Variants in CTNNA2 observed in about 807,000 individuals in gnomAD.
CTNNA2 encodes the protein catenin alpha-2.
Under a neutral mutation model 101.0 loss-of-function variants are expected in CTNNA2, and 42 were observed. The ratio of observed to expected loss-of-function variants is 0.42; its 90% CI spans 0.32 to 0.54. The LOEUF (loss-of-function observed/expected upper bound fraction) is 0.54. CTNNA2 is among the 20% of genes least tolerant of loss of function. The pLI is 0.14. For missense variants in CTNNA2, 871 were observed against 1,223.1 expected (o/e 0.71, Z 4.29); for synonymous variants, 450 against 456.4 (o/e 0.99, Z 0.18).
chr2:79,376,415 A>ATGTTGAGTAT (rs1677975391), intron 4 of CTNNA2, among the ~76,000 whole-genome samples: 1 of 148,928 alleles, frequency 6.7e-6, no homozygotes, highest in South Asian at 2.1e-4. Flanking sequence ...GAATTTATCT[A>ATGTTGAGTAT]TGTTGAGTAT....
intron 7 of CTNNA2, among the ~76,000 whole-genome samples, chr2:80,291,236 T>C (rs1207433439): frequency 2.0e-5 from 3 of 152,256 alleles, no homozygotes; most frequent in Non-Finnish European, 4.4e-5. Context: ...TGATAAGCGA[T>C]AGCAAAGGAG....
chr2:79,268,637 T>G (rs1675019709), intron 2 of CTNNA2, among the ~76,000 whole-genome samples: 1 of 152,076 alleles, frequency 6.6e-6, no homozygotes, highest in South Asian at 2.1e-4. Context: ...AACAGAGGCC[T>G]CAACCTGTGG....
intron 7 of CTNNA2, among the ~76,000 whole-genome samples, chr2:80,187,634 C>A (rs1706216481): frequency 6.6e-6 from 1 of 152,006 alleles, no homozygotes; most frequent in Non-Finnish European, 1.5e-5. Context: ...CTTTACAAGG[C>A]AAAGGGCAGA....
rs532892383 is a variant in CTNNA2, at chr2:80,371,716, C to A, written c.1057-21495C>A. On this transcript the variant is annotated intron_variant, in intron 7 of 18. Coordinates refer to ENST00000402739, the MANE Select transcript of CTNNA2 (RefSeq NM_001282597.3). ...GCAGTGAGAATGCCACGTGAAAGAG[C>A]CTAGAGGCATGAAAGCACAGTCTAT... Among the ~76,000 whole-genome samples, 12 of 152,108 alleles carry A rather than the reference C, an allele frequency of 7.9e-5. No individual in the cohort carries two copies. In the East Asian group the frequency reaches 1.9e-3, roughly 25 times the overall value.
At chr2:79,609,100 CAT>C (rs1276584531) in intron 1 of CTNNA2, among the ~76,000 whole-genome samples, 1 of 151,984 alleles carries the variant, frequency 6.6e-6, no homozygotes, top group Middle Eastern at 3.4e-3. Flanking sequence ...AGCATCAAAA[CAT>C]ATGAGTTACT....
chr2:80,004,647 G>A (rs907960954), intron 7 of CTNNA2, among the ~76,000 whole-genome samples: 3 of 151,636 alleles, frequency 2.0e-5, no homozygotes, highest in African/African-American at 7.3e-5. Flanking sequence ...AGGAGCAGAG[G>A]CAGCATTTAT....
chr2:79,387,911 T>C (rs6735872), intron 4 of CTNNA2, among the ~76,000 whole-genome samples: 12,021 of 152,130 alleles, frequency 0.079, 1,567 homozygotes, highest in African/African-American at 0.28. Flanking sequence ...GGAGTGAGAA[T>C]ATAAGGAACT....
At chr2:79,528,316 A>G (rs1672542128) in intron 1 of CTNNA2, among the ~76,000 whole-genome samples, 1 of 151,934 alleles carries the variant, frequency 6.6e-6, no homozygotes, top group African/African-American at 2.4e-5. Context: ...GACACACACG[A>G]TCCTCTCCCT....
chr2:79,889,334 A>T (rs1286475816), intron 6 of CTNNA2, among the ~76,000 whole-genome samples: 1 of 152,218 alleles, frequency 6.6e-6, no homozygotes, highest in Non-Finnish European at 1.5e-5. Flanking sequence ...TTATTTCCCC[A>T]AATGTTCTCT....
At chr2:80,150,790 A>G (rs986104101) in intron 7 of CTNNA2, among the ~76,000 whole-genome samples, 11 of 152,338 alleles carry the variant, frequency 7.2e-5, no homozygotes, top group South Asian at 4.1e-4. Flanking sequence ...GGTTTCTGAA[A>G]ATGGATATTT....
At chr2:80,155,007 T>C (rs1030569897) in intron 7 of CTNNA2, among the ~76,000 whole-genome samples, 2 of 152,316 alleles carry the variant, frequency 1.3e-5, no homozygotes, top group African/African-American at 4.8e-5. Flanking sequence ...ATGACCACAT[T>C]TTCCAAAACA....
intron 4 of CTNNA2, among the ~76,000 whole-genome samples, chr2:79,478,513 T>C (rs1290872036): frequency 6.6e-6 from 1 of 152,146 alleles, no homozygotes; most frequent in Non-Finnish European, 1.5e-5. Context: ...CCAATTAAGC[T>C]ATGATGGGAA....
At chr2:79,659,716 G>T (rs1387413377) in intron 2 of CTNNA2, among the ~76,000 whole-genome samples, 2 of 152,182 alleles carry the variant, frequency 1.3e-5, no homozygotes, top group African/African-American at 4.8e-5. Context: ...AAGTTTTGGG[G>T]CCAGGAGCAG....
chr2:79,322,965 C>G (rs1200755138), intron 3 of CTNNA2, among the ~76,000 whole-genome samples: 1 of 152,146 alleles, frequency 6.6e-6, no homozygotes, highest in Admixed American at 6.5e-5. Context: ...TGGTTATTTC[C>G]CTGAAAGTAT....
intron 7 of CTNNA2, among the ~76,000 whole-genome samples, chr2:80,133,508 CA>C (rs2148897943): frequency 6.6e-6 from 1 of 152,052 alleles, no homozygotes; most frequent in Admixed American, 6.5e-5. Flanking sequence ...AAAATAAGCC[CA>C]AATGTATATA....
At chr2:80,600,380 AATTTAT>A (rs1201886822) in intron 15 of CTNNA2, among the ~76,000 whole-genome samples, 1 of 151,978 alleles carries the variant, frequency 6.6e-6, no homozygotes, top group Admixed American at 6.5e-5. Context: ...ATAAAATTAA[AATTTAT>A]ATTTTAAAAA....
At chr2:79,633,242 T>C (rs114292092) in intron 1 of CTNNA2, among the ~76,000 whole-genome samples, 314 of 152,312 alleles carry the variant, frequency 2.1e-3, no homozygotes, top group Middle Eastern at 6.8e-3. Flanking sequence ...TACTCTGTTA[T>C]TCTCAGTTGT....
chr2:79,948,723 C>G (rs1477415012), intron 7 of CTNNA2, among the ~76,000 whole-genome samples: 1 of 152,178 alleles, frequency 6.6e-6, no homozygotes, highest in South Asian at 2.1e-4. Context: ...AATCTCAGCA[C>G]TTTGGGAGGC....
At chr2:79,387,494 T>C (rs1678118239) in intron 4 of CTNNA2, among the ~76,000 whole-genome samples, 1 of 152,166 alleles carries the variant, frequency 6.6e-6, no homozygotes, top group South Asian at 2.1e-4. Context: ...TTGAACGGTG[T>C]GGTAAAGCTG....
Sources: allele counts gnomAD v4.1 joint callset (sites outside exome capture counted in the v4.1 genomes callset), GRCh38; gene constraint gnomAD v4.1.1; transcripts MANE v1.5; gene names NCBI Gene and HGNC (gene_info 2026-07-23, HGNC 2026-07-21).